ADGRL2: variants seen among roughly 807,000 people sequenced by gnomAD.
The protein encoded by ADGRL2 is calcium-independent alpha-latrotoxin receptor 2.
A neutral mutation model predicts 157.4 loss-of-function variants in ADGRL2; 44 were observed. That is an observed-to-expected ratio of 0.28 (90% confidence interval 0.22 to 0.36). The LOEUF (loss-of-function observed/expected upper bound fraction) is 0.36, where lower values mean the gene tolerates loss of function less well. Among genes scored for constraint, ADGRL2 ranks in the 10% least tolerant of loss-of-function variants. ADGRL2 has a pLI of 1.00. For missense variants in ADGRL2, 1,510 were observed against 1,768.9 expected, an observed-to-expected ratio of 0.85 and a Z score of 2.63; for synonymous variants, 585 against 624.7, an observed-to-expected ratio of 0.94 and a Z score of 0.95.
chr1:81,691,906 A>G (rs900449971), intron 3 of ADGRL2, among the ~76,000 whole-genome samples: 1 of 147,966 alleles, frequency 6.8e-6, no homozygotes, highest in African/African-American at 2.5e-5. Context: ...GTATGTGTAT[A>G]TAGATATATG....
At chr1:81,330,298 C>T (rs912128010) in intron 1 of ADGRL2, among the ~76,000 whole-genome samples, 5 of 152,094 alleles carry the variant, frequency 3.3e-5, no homozygotes, top group East Asian at 3.9e-4. Flanking sequence ...CTAAAACTGT[C>T]ACATGTCACT....
chr1:81,672,577 G>A (rs2082897882), intron 3 of ADGRL2, among the ~76,000 whole-genome samples: 1 of 152,182 alleles, frequency 6.6e-6, no homozygotes, highest in Non-Finnish European at 1.5e-5. Flanking sequence ...AAGCAGTTTT[G>A]AAAGCTGTCA....
intron 2 of ADGRL2, among the ~76,000 whole-genome samples, chr1:81,873,131 G>A (rs1039341354): frequency 3.9e-5 from 6 of 152,004 alleles, no homozygotes; most frequent in African/African-American, 1.4e-4. Context: ...TTTCCAAGAT[G>A]GTATAGACCA....
At chr1:81,415,247 T>C (rs1359711678) in intron 1 of ADGRL2, among the ~76,000 whole-genome samples, 1 of 152,232 alleles carries the variant, frequency 6.6e-6, no homozygotes, top group East Asian at 1.9e-4. Context: ...ATAAACAAAT[T>C]AGTAGTATCA....
At chr1:81,636,787 G>A (rs1029892478) in intron 3 of ADGRL2, among the ~76,000 whole-genome samples, 4 of 152,094 alleles carry the variant, frequency 2.6e-5, no homozygotes, top group African/African-American at 7.2e-5. Flanking sequence ...GAAAAATACT[G>A]TGTAATATAC....
chr1:81,724,318 A>ATC (rs1289177047), intron 1 of ADGRL2, among the ~76,000 whole-genome samples: 4 of 152,170 alleles, frequency 2.6e-5, no homozygotes, highest in African/African-American at 9.7e-5. Context: ...TATTGGAATT[A>ATC]GAGTTTATCT....
chr1:81,477,379 G>A (rs746672748), intron 2 of ADGRL2, among the ~76,000 whole-genome samples: 59 of 152,190 alleles, frequency 3.9e-4, no homozygotes, highest in African/African-American at 1.4e-3. Context: ...ATAAGGAAAT[G>A]TGGATTCATT....
intron 2 of ADGRL2, among the ~76,000 whole-genome samples, chr1:81,788,825 C>T (rs906038957): frequency 6.6e-6 from 1 of 152,078 alleles, no homozygotes; most frequent in African/African-American, 2.4e-5. Flanking sequence ...AAGTGATTCT[C>T]CTGCTTCAGC....
intron 1 of ADGRL2, among the ~76,000 whole-genome samples, chr1:81,438,102 A>C (rs1453287433): frequency 6.6e-6 from 1 of 152,112 alleles, no homozygotes; most frequent in African/African-American, 2.4e-5. Flanking sequence ...CAACACATTG[A>C]AATGTGTAGA....
At chr1:81,395,497 T>A (rs942190442) in intron 1 of ADGRL2, among the ~76,000 whole-genome samples, 1 of 152,202 alleles carries the variant, frequency 6.6e-6, no homozygotes, top group Non-Finnish European at 1.5e-5. Context: ...CTGCTAGTTG[T>A]CTCTTCACTT....
intron 1 of ADGRL2, among the ~76,000 whole-genome samples, chr1:81,757,359 A>G (rs2085727233): frequency 6.6e-6 from 1 of 152,176 alleles, no homozygotes; most frequent in South Asian, 2.1e-4. Flanking sequence ...TCTATATTTG[A>G]ATCCTTGTGG....
At chr1:81,319,821 C>T (rs181952751) in intron 1 of ADGRL2, among the ~76,000 whole-genome samples, 285 of 152,290 alleles carry the variant, frequency 1.9e-3, no homozygotes, top group Non-Finnish European at 3.1e-3. Context: ...GGTGCAGGGT[C>T]TTGCCTCGAT....
At chr1:81,456,525 G>A (rs1449442989) in intron 2 of ADGRL2, among the ~76,000 whole-genome samples, 4 of 151,926 alleles carry the variant, frequency 2.6e-5, no homozygotes, top group Non-Finnish European at 4.4e-5. Flanking sequence ...GGCATAAGCC[G>A]TCACTCCTGA....
At chr1:81,927,428 C>A (rs1572170780) in intron 3 of ADGRL2, among the ~76,000 whole-genome samples, 1 of 151,782 alleles carries the variant, frequency 6.6e-6, no homozygotes, top group Non-Finnish European at 1.5e-5. Flanking sequence ...ATCACAGGTG[C>A]AATTTTAAAA....
At position 81,374,662 on chromosome 1, in the gene ADGRL2, G is replaced by A. The variant is rs113923623; in HGVS notation, c.-302+68153G>A. Among the ~76,000 whole-genome samples, 1,194 of 151,872 alleles carry A rather than the reference G, an allele frequency of 7.9e-3. 11 individuals carry two copies. Among genetic ancestry groups the A allele is most frequent in the African/African-American group, 0.019 (799 of 41,386 alleles). ...TAGCTAATCCACTGGCAATTCTGGC[G>A]GTCCTGGGCAATTCAAGTGTGTGCA... On this transcript the variant is annotated intron_variant, in intron 1 of 24. Transcript: ENST00000370721.
intron 1 of ADGRL2, among the ~76,000 whole-genome samples, chr1:81,827,442 A>G (rs1488014473): frequency 1.3e-5 from 2 of 152,186 alleles, no homozygotes; most frequent in African/African-American, 2.4e-5. Context: ...TTGGTTTTAT[A>G]TACTCTCATG....
chr1:81,482,200 T>C (rs542596436), intron 2 of ADGRL2, among the ~76,000 whole-genome samples: 27 of 152,334 alleles, frequency 1.8e-4, no homozygotes, highest in South Asian at 1.4e-3. Flanking sequence ...GAAACTGATA[T>C]TAGTTATTTC....
intron 1 of ADGRL2, among the ~76,000 whole-genome samples, chr1:81,745,774 A>C (rs2085225534): frequency 6.6e-6 from 1 of 152,140 alleles, no homozygotes; most frequent in Admixed American, 6.6e-5. Flanking sequence ...TGAATATTTT[A>C]TTAGCGAGCT....
intron 6 of ADGRL2, among the ~76,000 whole-genome samples, chr1:81,946,576 G>T (rs149092442): frequency 1.8e-4 from 28 of 152,186 alleles, no homozygotes; most frequent in African/African-American, 6.7e-4. Flanking sequence ...TAAAGAAAAT[G>T]ATGTGTTTTT....
Sources: allele counts gnomAD v4.1 joint callset (sites outside exome capture counted in the v4.1 genomes callset), GRCh38; gene constraint gnomAD v4.1.1; transcripts MANE v1.5; gene names NCBI Gene and HGNC (gene_info 2026-07-23, HGNC 2026-07-21).